The following MYEF2 variants were observed in gnomAD, a reference collection of about 807,000 sequenced individuals.
MYEF2 encodes myelin gene expression factor 2.
In MYEF2, 37 loss-of-function variants were observed where a neutral mutation model predicts 75.2. The observed-to-expected ratio is 0.49, with a 90% CI of 0.38 to 0.65. The LOEUF (loss-of-function observed/expected upper bound fraction) is 0.65, where lower values mean the gene tolerates loss of function less well. Among genes scored for constraint, MYEF2 ranks in the 30% least tolerant of loss-of-function variants. MYEF2 has a pLI of 0.00. For missense variants in MYEF2, 634 were observed against 771.4 expected, an observed-to-expected ratio of 0.82 and a Z score of 2.11; for synonymous variants, 195 against 241.6, an observed-to-expected ratio of 0.81 and a Z score of 1.79.
Position 48,161,720 on chromosome 15 carries a change from CT to C in MYEF2, c.526-1917del, listed in dbSNP as rs968414127. Among the ~76,000 whole-genome samples, 19 of 150,416 alleles carry C rather than the reference CT, an allele frequency of 1.3e-4. No homozygotes were observed. In the East Asian group the frequency reaches 1.6e-3, roughly 13 times the overall value. ...TGGATGATATTTAGCATCCAATAAA[CT>C]TTTTTTTCCAATAAAAGAAAAAGAC... On this transcript the variant is annotated intron_variant, in intron 5 of 16. Transcript: ENST00000324324.
At chr15:48,162,232 AAC>A (rs1384252895) in intron 5 of MYEF2, among the ~76,000 whole-genome samples, 1 of 152,098 alleles carries the variant, frequency 6.6e-6, no homozygotes, top group Non-Finnish European at 1.5e-5. Flanking sequence ...GGACAGGAGT[AAC>A]AATCATCATT....
chr15:48,144,006 T>G (rs926717002), intron 16 of MYEF2, among the ~76,000 whole-genome samples: 1 of 151,848 alleles, frequency 6.6e-6, no homozygotes, highest in Non-Finnish European at 1.5e-5. Context: ...GGTCATAAAT[T>G]TAGGGTGTGA....
In MYEF2 at chr15:48,173,437, A is replaced by G. The variant is rs572320478; in HGVS notation, c.162-4598T>C. Reference sequence around the variant, plus strand: ...GGTTTTACCTCTAAGAGCAGGAAAAAGAGAAGATGCCCATGCTCACCACTT... The same window carrying G: ...GGTTTTACCTCTAAGAGCAGGAAAAGGAGAAGATGCCCATGCTCACCACTT... On this transcript the variant is annotated intron_variant, in intron 1 of 16. Transcript: ENST00000324324. Among the ~76,000 whole-genome samples, 3 of 152,316 alleles carry G rather than the reference A, an allele frequency of 2.0e-5. No homozygotes were observed. In the East Asian group the frequency reaches 5.8e-4, roughly 29 times the overall value.
In MYEF2 at chr15:48,141,607, A is replaced by AC. The variant is rs2039090256; in HGVS notation, c.*1300_*1301insG. The AC allele has an allele frequency of 6.2e-6, 1 of 162,558 alleles. No homozygotes were observed. The highest frequency in any genetic ancestry group is 2.4e-5 in the African/African-American group (1 of 41,588). The allele number at this position is 162,558 out of a possible 1,614,324, so 10.1% of individuals were successfully genotyped here. ...AAAACAAAAACCAAAAAAAAAAAAAAAAGTTTACTTCCTCAGTAACATACT... is the reference window on the plus strand; with the variant it reads ...AAAACAAAAACCAAAAAAAAAAAAAACAAGTTTACTTCCTCAGTAACATACT... On this transcript the variant is annotated 3_prime_UTR_variant, in exon 17 of 17. Transcript: ENST00000324324.
chr15:48,148,949 G>T, intron 16 of MYEF2, 83 bp downstream of exon 16: 1 of 1,410,658 alleles, frequency 7.1e-7, no homozygotes, highest in East Asian at 2.3e-5. Context: ...ACAGGCAAAG[G>T]TCTAAACACA....
At chr15:48,143,151 C>T (rs1479460153) in intron 16 of MYEF2, 80 bp from the exon 17 acceptor site, 2 of 832,870 alleles carry the variant, frequency 2.4e-6, no homozygotes, top group Non-Finnish European at 1.7e-6. Flanking sequence ...TTCCTCATAG[C>T]CAATTGTGAT....
chr15:48,169,574 CG>C (rs1447910200), intron 1 of MYEF2, among the ~76,000 whole-genome samples: 1 of 149,814 alleles, frequency 6.7e-6, no homozygotes, highest in East Asian at 2.0e-4. Context: ...ATAAAAGCAA[CG>C]TAAGCCAAAA....
intron 1 of MYEF2, among the ~76,000 whole-genome samples, chr15:48,169,469 A>T (rs1014674352): frequency 3.9e-5 from 6 of 152,232 alleles, no homozygotes; most frequent in African/African-American, 1.4e-4. Flanking sequence ...ATTTTATGTT[A>T]CATTTTAACC....
rs1251338364 is a variant in MYEF2, at chr15:48,139,007, A to G, written c.*3901T>C. 4 of 1,612,900 alleles carry G rather than the reference A, an allele frequency of 2.5e-6. No homozygotes were observed. Among genetic ancestry groups the G allele is most frequent in the Non-Finnish European group, 3.4e-6 (4 of 1,179,282 alleles). On this transcript the variant is annotated 3_prime_UTR_variant, in exon 17 of 17. Transcript: ENST00000324324. ...TTTCAACATGCCTGAAGCAGACTTA[A>G]AAAGAATTTTTTGGGTATTATCCCT...
rs2038910995 is a variant in MYEF2 at position 48,136,796 on chromosome 15, T to C, written c.*6112A>G. ...AAATGCAGTCCTTGCTGCGCCTGTCTTGCCAAAGCTATGGAGAGAAGTGAA... is the reference window on the plus strand; with the variant it reads ...AAATGCAGTCCTTGCTGCGCCTGTCCTGCCAAAGCTATGGAGAGAAGTGAA... On this transcript the variant is annotated 3_prime_UTR_variant, in exon 17 of 17. Coordinates refer to ENST00000324324, the MANE Select transcript of MYEF2 (RefSeq NM_016132.5). 1 of 1,613,740 alleles carries C rather than the reference T, an allele frequency of 6.2e-7. No homozygotes were observed. Among genetic ancestry groups the C allele is most frequent in the African/African-American group, 1.3e-5 (1 of 74,926 alleles).
At chr15:48,172,673 T>C (rs760193801) in intron 1 of MYEF2, among the ~76,000 whole-genome samples, 1 of 151,094 alleles carries the variant, frequency 6.6e-6, no homozygotes, top group Non-Finnish European at 1.5e-5. Context: ...TATAAAGAAA[T>C]CAAAGAGGAG....
chr15:48,149,504 G>T lies in MYEF2; in HGVS notation c.1379-133C>A. ...TGAGAAAGAAGGGGGAAATTAATTTGTTTATATAATTAAATAATATAAAAA... is the reference window on the plus strand; with the variant it reads ...TGAGAAAGAAGGGGGAAATTAATTTTTTTATATAATTAAATAATATAAAAA... On this transcript the variant is annotated intron_variant, in intron 14 of 16. Coordinates refer to ENST00000324324, the MANE Select transcript of MYEF2 (RefSeq NM_016132.5). The surrounding 1 kb of genome is among the most constrained non-coding windows in gnomAD (Gnocchi z 4.0). The T allele has an allele frequency of 1.8e-6, 1 of 565,218 alleles. No homozygotes were observed. Among genetic ancestry groups the T allele is most frequent in the Non-Finnish European group, 3.0e-6 (1 of 334,730 alleles). 35.0% of individuals were successfully genotyped at this position (565,218 alleles called of 1,614,324 possible). A position where few individuals can be genotyped will look rare whatever the true frequency, so the allele number is the denominator to read the frequency against.
rs1008883898 is a variant in MYEF2, at chr15:48,154,941, A to G, written c.986-1048T>C. 2.0e-5 allele frequency among the ~76,000 whole-genome samples: 3 copies of G among 152,248 alleles called. No homozygotes were observed. In the East Asian group the frequency reaches 5.8e-4, roughly 29 times the overall value. ...GACTGTATCCAAAGGTCACTCTACT[A>G]TTACATAAAAGAATAATTATATTAA... On this transcript the variant is annotated intron_variant, in intron 9 of 16. Coordinates refer to ENST00000324324, the MANE Select transcript of MYEF2 (RefSeq NM_016132.5).
rs1326332313 is a variant in MYEF2, at chr15:48,178,070, A to G, written c.161+7T>C. 6.3e-7 allele frequency: 1 copy of G among 1,596,260 alleles called. No homozygotes were observed. Among genetic ancestry groups the G allele is most frequent in the Non-Finnish European group, 8.5e-7 (1 of 1,171,770 alleles). On this transcript the variant is annotated splice_region_variant and intron_variant, in intron 1 of 16. Transcript: ENST00000324324. The stretch of plus-strand genomic sequence containing the variant: ...CTCGCCCCGGTTCCCGGAGGAAAAG[A>G]CAATACATTTTAACGCCATTGGAGC...
In MYEF2 at chr15:48,136,864, A is replaced by G. The variant is rs758011238; in HGVS notation, c.*6044T>C. 3 of 1,613,802 alleles carry G rather than the reference A, an allele frequency of 1.9e-6. No homozygotes were observed. Among genetic ancestry groups the G allele is most frequent in the African/African-American group, 2.7e-5 (2 of 74,924 alleles). On this transcript the variant is annotated 3_prime_UTR_variant, in exon 17 of 17. Coordinates refer to ENST00000324324, the MANE Select transcript of MYEF2 (RefSeq NM_016132.5). ...CTGGGAAGATGAAGGTCAACCATTC[A>G]TTCGTCGGCAATCAAGAACTGATAG...
intron 1 of MYEF2, among the ~76,000 whole-genome samples, chr15:48,175,147 A>C (rs2140946012): frequency 6.6e-6 from 1 of 152,280 alleles, no homozygotes; most frequent in East Asian, 1.9e-4. Context: ...CAAAAAGAAC[A>C]AAATCTTGCC....
chr15:48,163,002 A>T (rs904427124), intron 5 of MYEF2: 10 of 152,320 alleles, frequency 6.6e-5, no homozygotes, highest in Middle Eastern at 3.4e-3. Context: ...TTAAATCAAA[A>T]GTTAGACATG....
At chr15:48,159,533 C>T in intron 6 of MYEF2, 80 bp downstream of exon 6, 1 of 1,297,190 alleles carries the variant, frequency 7.7e-7, no homozygotes, top group East Asian at 2.3e-5. Flanking sequence ...GCAAAATGTT[C>T]TATAAACCTA....
chr15:48,153,731 G>A (rs773571667), intron 10 of MYEF2, 61 bp downstream of exon 10: 2 of 1,333,128 alleles, frequency 1.5e-6, no homozygotes, highest in Non-Finnish European at 2.1e-6. Flanking sequence ...CACATCAATG[G>A]AGGCTTTATT....
Sources: allele counts gnomAD v4.1 joint callset (sites outside exome capture counted in the v4.1 genomes callset), GRCh38; gene constraint gnomAD v4.1.1; non-coding constraint Gnocchi (gnomAD v3.1); transcripts MANE v1.5; gene names NCBI Gene and HGNC (gene_info 2026-07-23, HGNC 2026-07-21).